Variants in PHLDB2 observed in about 807,000 individuals in gnomAD.
The protein encoded by PHLDB2 is pleckstrin homology like domain family B member 2.
PHLDB2 carries 71 observed loss-of-function variants against 123.6 expected under a neutral mutation model. That is an observed-to-expected ratio of 0.57 (90% CI 0.47 to 0.70). The LOEUF is 0.70. Ranked by LOEUF, PHLDB2 falls within the 30% of genes least tolerant of loss-of-function variation. The pLI is 0.00. For synonymous variants in PHLDB2, 547 were observed against 541.6 expected (o/e 1.01, Z -0.14); for missense variants, 1,446 against 1,519.5 (o/e 0.95, Z 0.80).
Position 111,869,515 on chromosome 3 carries a change from A to G in PHLDB2, c.-15+9939A>G, listed in dbSNP as rs976137691. On this transcript the variant is annotated intron_variant, in intron 1 of 17. Coordinates refer to ENST00000431670, the MANE Select transcript of PHLDB2 (RefSeq NM_001134438.2). The stretch of plus-strand genomic sequence containing the variant: ...AGAAAAGCAAGAAAGCAACTGTGTA[A>G]TCGGTGTCCTGAGATATCAAAGCCA... Among the ~76,000 whole-genome samples, 5 of 152,356 alleles carry G rather than the reference A, an allele frequency of 3.3e-5. No individual in the cohort carries two copies. In the South Asian group the frequency reaches 6.2e-4, roughly 19 times the overall value.
At chr3:111,790,626 G>A (rs1307233882) in intron 1 of PHLDB2, among the ~76,000 whole-genome samples, 1 of 152,178 alleles carries the variant, frequency 6.6e-6, no homozygotes, top group Admixed American at 6.5e-5. Context: ...ATGCAAGAGA[G>A]ACTTCTGTTT....
intron 1 of PHLDB2, among the ~76,000 whole-genome samples, chr3:111,823,147 C>T (rs1306887744): frequency 6.6e-6 from 1 of 152,200 alleles, no homozygotes; most frequent in Non-Finnish European, 1.5e-5. Flanking sequence ...CCTAAGGGAC[C>T]AGGAGGAAGT....
chr3:111,864,151 A>G (rs2064960155), intron 1 of PHLDB2, among the ~76,000 whole-genome samples: 1 of 152,184 alleles, frequency 6.6e-6, no homozygotes, highest in Admixed American at 6.5e-5. Flanking sequence ...GAAATGACTC[A>G]AGAGTGATAG....
At chr3:111,738,417 G>A (rs560362284) in intron 1 of PHLDB2, among the ~76,000 whole-genome samples, 10 of 152,178 alleles carry the variant, frequency 6.6e-5, no homozygotes, top group Admixed American at 2.6e-4. Flanking sequence ...ACTCATCTGC[G>A]TTCTAATTTT....
intron 16 of PHLDB2, 109 bp from the exon 17 acceptor site, chr3:111,973,619 TTAGA>T: frequency 1.7e-6 from 1 of 585,278 alleles, no homozygotes; most frequent in Non-Finnish European, 2.9e-6. Flanking sequence ...TGAATTAATC[TTAGA>T]TAAATTAAAT....
At chr3:111,911,732 C>T (rs1379126421) in intron 2 of PHLDB2, 1 of 1,532,708 alleles carries the variant, frequency 6.5e-7, no homozygotes, top group African/African-American at 1.4e-5. Flanking sequence ...GAGGTGCGAG[C>T]TTGTAGGAAC....
chr3:111,789,178 C>T (rs2060811913), intron 1 of PHLDB2, among the ~76,000 whole-genome samples: 1 of 152,194 alleles, frequency 6.6e-6, no homozygotes, highest in South Asian at 2.1e-4. Flanking sequence ...GAGGTCTCTG[C>T]TAAACAACAA....
intron 1 of PHLDB2, among the ~76,000 whole-genome samples, chr3:111,873,316 C>A (rs550901935): frequency 1.5e-4 from 22 of 149,990 alleles, no homozygotes; most frequent in African/African-American, 4.6e-4. Flanking sequence ...AGTGGTGGCA[C>A]TTCCTGGGGT....
At position 111,884,208 on chromosome 3, in the gene PHLDB2, C is replaced by T. The variant is rs538814161; in HGVS notation, c.131C>T (p.Ser44Phe). The change falls in exon 2 of 18, where the codon TCT becomes TTT. Residue 44 changes from serine to phenylalanine, a missense_variant. Physicochemically the swap from Ser to Phe is radical, Grantham distance 155 (BLOSUM62 -2). Coordinates refer to ENST00000431670, the MANE Select transcript of PHLDB2 (RefSeq NM_001134438.2). ...MMESLSPKKY[S>F]SSLRFKANGD... Reference sequence around the variant, plus strand: ...GAGAGCCTCAGCCCAAAGAAATACTCTTCCAGTCTGAGATTTAAAGCCAAT... The same window carrying T: ...GAGAGCCTCAGCCCAAAGAAATACTTTTCCAGTCTGAGATTTAAAGCCAAT... The T allele has an allele frequency of 8.1e-5, 131 of 1,614,162 alleles. 1 individual carries two copies. In the South Asian group the frequency reaches 1.3e-3, roughly 17 times the overall value.
intron 1 of PHLDB2, among the ~76,000 whole-genome samples, chr3:111,817,500 G>A (rs35889604): frequency 0.21 from 32,039 of 152,014 alleles, 5,276 homozygotes; most frequent in African/African-American, 0.44. Flanking sequence ...TCATTAGAAA[G>A]GTCACTTTCT....
chr3:111,822,291 A>ATGTGTGTGTGTGTGTG (rs1385316509), intron 1 of PHLDB2, among the ~76,000 whole-genome samples: 1 of 87,102 alleles, frequency 1.1e-5, no homozygotes, highest in Non-Finnish European at 2.1e-5. Flanking sequence ...CTCTATCTTT[A>ATGTGTGTGTGTGTGTG]TGTATGTGTG....
At chr3:111,750,827 T>C (rs1247460390) in intron 1 of PHLDB2, among the ~76,000 whole-genome samples, 3 of 151,240 alleles carry the variant, frequency 2.0e-5, no homozygotes, top group Non-Finnish European at 4.4e-5. Flanking sequence ...ATGCCTATAA[T>C]CCCAGCTACT....
intron 2 of PHLDB2, among the ~76,000 whole-genome samples, chr3:111,905,110 A>G (rs1425370202): frequency 6.6e-6 from 1 of 152,138 alleles, no homozygotes; most frequent in Non-Finnish European, 1.5e-5. Flanking sequence ...TTAAATGGGG[A>G]TTAGAATAAA....
chr3:111,885,339 G>A lies in PHLDB2; in HGVS notation c.1262G>A (p.Gly421Glu). The A allele has an allele frequency of 6.2e-7, 1 of 1,614,110 alleles. No homozygotes were observed. The highest frequency in any genetic ancestry group is 1.3e-5 in the African/African-American group (1 of 75,000). The change falls in exon 2 of 18, where the codon GGA (glycine) becomes GAA (glutamate). Residue 421 changes from glycine (G) to glutamate (E), a missense_variant. Gly to Glu is a moderately conservative substitution (Grantham distance 98). Transcript: ENST00000431670. ...ERKSSISSIS[G>E]RDDLMDYHRR... ...AAAAGCAGTATTAGCTCCATTTCAG[G>A]ACGTGATGACCTGATGGATTATCAC...
chr3:111,804,534 G>A (rs767130871), intron 1 of PHLDB2, among the ~76,000 whole-genome samples: 10 of 152,250 alleles, frequency 6.6e-5, no homozygotes, highest in East Asian at 1.9e-4. Context: ...TGTTTTCTAC[G>A]CAGAGTATAA....
chr3:111,853,549 G>T (rs1441301747), intron 2 of PHLDB2, among the ~76,000 whole-genome samples: 2 of 152,094 alleles, frequency 1.3e-5, no homozygotes, highest in Non-Finnish European at 2.9e-5. Flanking sequence ...CTCTGTGCAA[G>T]GAATGGTACC....
intron 1 of PHLDB2, among the ~76,000 whole-genome samples, chr3:111,735,042 A>G (rs6438003): frequency 0.52 from 79,804 of 152,054 alleles, 22,771 homozygotes; most frequent in African/African-American, 0.76. Flanking sequence ...CCTCAGGCTA[A>G]ATCTTTGTCC....
At chr3:111,910,805 T>G (rs1192381303) in intron 2 of PHLDB2, among the ~76,000 whole-genome samples, 2 of 152,226 alleles carry the variant, frequency 1.3e-5, no homozygotes, top group Non-Finnish European at 2.9e-5. Flanking sequence ...CTTACAGACT[T>G]TCTTCTGATG....
chr3:111,876,242 G>C (rs1045539732), intron 1 of PHLDB2, among the ~76,000 whole-genome samples: 1 of 152,144 alleles, frequency 6.6e-6, no homozygotes, highest in Non-Finnish European at 1.5e-5. Flanking sequence ...AGTGACAGAG[G>C]AGACCAATGT....
Sources: gnomAD v4.1 joint callset for allele counts (sites outside exome capture counted in the v4.1 genomes callset) on GRCh38, gnomAD v4.1.1 for gene constraint, MANE v1.5 for transcripts, NCBI Gene and HGNC (gene_info 2026-07-23, HGNC 2026-07-21) for gene names.